Variants in PTPRD observed in about 807,000 individuals in gnomAD.
PTPRD encodes the protein receptor-type tyrosine-protein phosphatase delta.
Under a neutral mutation model 214.5 loss-of-function variants are expected in PTPRD, and 34 were observed. The ratio of observed to expected loss-of-function variants is 0.16; its 90% CI spans 0.12 to 0.21. The LOEUF is 0.21. PTPRD is among the 10% of genes least tolerant of loss of function. The probability of loss-of-function intolerance (pLI) is 1.00; values close to 1 mark genes in which losing one functional copy is unlikely to be tolerated. For synonymous variants in PTPRD, 1,128 were observed against 845.7 expected (o/e 1.33, Z -5.79); for missense variants, 2,545 against 2,398.7 (o/e 1.06, Z -1.27).
intron 36 of PTPRD, among the ~76,000 whole-genome samples, chr9:8,397,403 ATAAC>A (rs2091442762): frequency 6.6e-6 from 1 of 152,208 alleles, no homozygotes; most frequent in Non-Finnish European, 1.5e-5. Flanking sequence ...TATATTCACT[ATAAC>A]TAACATTCCA....
At chr9:9,867,716 T>C (rs1181701666) in intron 5 of PTPRD, among the ~76,000 whole-genome samples, 1 of 152,134 alleles carries the variant, frequency 6.6e-6, no homozygotes, top group East Asian at 1.9e-4. Flanking sequence ...AACTCAAACC[T>C]ATTGTTTTCT....
At chr9:10,450,472 C>T (rs1042543961) in intron 2 of PTPRD, among the ~76,000 whole-genome samples, 3 of 151,866 alleles carry the variant, frequency 2.0e-5, no homozygotes, top group African/African-American at 7.3e-5. Flanking sequence ...CAAGAATGTG[C>T]ACCACGATTA....
chr9:9,701,396 A>C (rs2154412521), intron 7 of PTPRD, among the ~76,000 whole-genome samples: 1 of 152,326 alleles, frequency 6.6e-6, no homozygotes, highest in East Asian at 1.9e-4. Context: ...GAGAAACTGG[A>C]GACAGGGGTC....
chr9:8,661,959 CATTCTACAGGT>C (rs1186807673), intron 12 of PTPRD, among the ~76,000 whole-genome samples: 1 of 152,162 alleles, frequency 6.6e-6, no homozygotes, highest in Admixed American at 6.5e-5. Flanking sequence ...TTCACTCATT[CATTCTACAGGT>C]AAAGCCTTGC....
At chr9:8,893,482 C>A (rs1378101606) in intron 11 of PTPRD, among the ~76,000 whole-genome samples, 2 of 152,172 alleles carry the variant, frequency 1.3e-5, no homozygotes, top group Non-Finnish European at 2.9e-5. Context: ...AGAGAAACAC[C>A]ATTTCACTCT....
At chr9:8,611,600 AG>A (rs1011707201) in intron 14 of PTPRD, among the ~76,000 whole-genome samples, 8 of 151,936 alleles carry the variant, frequency 5.3e-5, no homozygotes, top group African/African-American at 1.9e-4. Flanking sequence ...AGCTACTGGC[AG>A]GGGTCAGGTG....
intron 10 of PTPRD, among the ~76,000 whole-genome samples, chr9:9,090,147 T>C (rs1313885978): frequency 6.6e-6 from 1 of 152,184 alleles, no homozygotes; most frequent in Non-Finnish European, 1.5e-5. Context: ...ACTGTGCTAT[T>C]GAACACTGGA....
chr9:10,249,310 A>G (rs780462855), intron 3 of PTPRD, among the ~76,000 whole-genome samples: 2 of 152,182 alleles, frequency 1.3e-5, no homozygotes, highest in Non-Finnish European at 2.9e-5. Context: ...TCTCCATAAC[A>G]TAAAAAGACA....
intron 8 of PTPRD, among the ~76,000 whole-genome samples, chr9:9,450,573 A>G (rs191426922): frequency 1.6e-3 from 244 of 152,066 alleles, no homozygotes; most frequent in Middle Eastern, 3.4e-3. Flanking sequence ...TAAGAAAGAC[A>G]TATGTAAATT....
intron 11 of PTPRD, among the ~76,000 whole-genome samples, chr9:8,807,162 C>T (rs1481501319): frequency 1.3e-5 from 2 of 152,088 alleles, no homozygotes; most frequent in African/African-American, 4.8e-5. Flanking sequence ...CACGGTGAAA[C>T]CCCGTTTCTA....
intron 3 of PTPRD, among the ~76,000 whole-genome samples, chr9:10,075,819 G>A (rs887222967): frequency 6.6e-6 from 1 of 151,900 alleles, no homozygotes; most frequent in Non-Finnish European, 1.5e-5. Context: ...ATAACCAAGG[G>A]CTGAGGTTCT....
In PTPRD at chr9:8,317,104, G is replaced by C. The variant is rs1270125824; in HGVS notation, c.*770C>G. On this transcript the variant is annotated 3_prime_UTR_variant, in exon 46 of 46. Coordinates refer to ENST00000381196, the MANE Select transcript of PTPRD (RefSeq NM_002839.4). ...CTTTCTCACCAATCAAAACTGAAGT[G>C]TAAAATTAATATATCTGACGAGACT... is the stretch of plus-strand genomic sequence containing the variant. 1.3e-5 allele frequency: 3 copies of C among 231,672 alleles called. No individual in the cohort carries two copies. Among genetic ancestry groups the C allele is most frequent in the Non-Finnish European group, 2.6e-5 (3 of 116,944 alleles). The allele number at this position is 231,672 out of a possible 1,614,324, so 14.4% of individuals were successfully genotyped here. A position where few individuals can be genotyped will look rare whatever the true frequency, so the allele number is the denominator to read the frequency against.
rs190571401 is a variant in PTPRD, at chr9:9,650,708, C to A, written c.-286-75927G>T. On this transcript the variant is annotated intron_variant, in intron 7 of 45. Transcript: ENST00000381196. ...CTTAATACCTGGGTGATTAAATAAT[C>A]TGTACAACAAATCCCCATGACACAA... 2.1e-3 allele frequency among the ~76,000 whole-genome samples: 324 copies of A among 151,992 alleles called. 2 individuals carry two copies. Among genetic ancestry groups the A allele is most frequent in the African/African-American group, 7.2e-3 (300 of 41,468 alleles).
chr9:9,974,619 G>A (rs1209392124), intron 4 of PTPRD, among the ~76,000 whole-genome samples: 2 of 151,856 alleles, frequency 1.3e-5, no homozygotes, highest in Non-Finnish European at 2.9e-5. Flanking sequence ...CCTAGGCTGA[G>A]TGTTTCTCTC....
At chr9:8,606,778 T>A (rs1435294837) in intron 14 of PTPRD, among the ~76,000 whole-genome samples, 1 of 152,230 alleles carries the variant, frequency 6.6e-6, no homozygotes, top group Non-Finnish European at 1.5e-5. Flanking sequence ...CTCTCTCACC[T>A]CCTTAGTTGC....
chr9:9,153,326 A>C (rs1313927565), intron 10 of PTPRD, among the ~76,000 whole-genome samples: 1 of 152,242 alleles, frequency 6.6e-6, no homozygotes, highest in Non-Finnish European at 1.5e-5. Flanking sequence ...GCCAAGATGG[A>C]ATCAGCTTAC....
At chr9:10,277,184 C>CAACATAAACATAAAACATAAACATA (rs142096114) in intron 3 of PTPRD, among the ~76,000 whole-genome samples, 2 of 133,910 alleles carry the variant, frequency 1.5e-5, no homozygotes, top group African/African-American at 5.5e-5. Context: ...AGTAAAAAAA[C>CAACATAAACATAAAACATAAACATA]AACATAAACA....
intron 9 of PTPRD, among the ~76,000 whole-genome samples, chr9:9,274,353 T>G (rs1944139109): frequency 6.6e-6 from 1 of 151,392 alleles, no homozygotes; most frequent in Non-Finnish European, 1.5e-5. Flanking sequence ...CATTCACGTC[T>G]TTCTCCACCC....
intron 39 of PTPRD, among the ~76,000 whole-genome samples, chr9:8,365,513 C>T (rs961904242): frequency 1.1e-4 from 17 of 152,080 alleles, no homozygotes; most frequent in African/African-American, 4.1e-4. Flanking sequence ...CTCCTCTCAT[C>T]GAGCCTGGGG....
Sources: allele counts gnomAD v4.1 joint callset (sites outside exome capture counted in the v4.1 genomes callset), GRCh38; gene constraint gnomAD v4.1.1; transcripts MANE v1.5; gene names NCBI Gene and HGNC (gene_info 2026-07-23, HGNC 2026-07-21).